The following GAS2 variants were observed in gnomAD, a reference collection of about 807,000 sequenced individuals.
GAS2 encodes the protein growth arrest specific 2.
Under a neutral mutation model 37.5 loss-of-function variants are expected in GAS2, and 20 were observed. That is an observed-to-expected ratio of 0.53 (90% CI 0.37 to 0.77). The LOEUF (loss-of-function observed/expected upper bound fraction) is 0.77, where lower values mean the gene tolerates loss of function less well. Ranked by LOEUF, GAS2 falls within the 30% of genes least tolerant of loss-of-function variation. The pLI is 0.00. For synonymous variants in GAS2, 144 were observed against 132.2 expected (o/e 1.09, Z -0.61); for missense variants, 336 against 373.4 (o/e 0.90, Z 0.82).
intron 7 of GAS2, among the ~76,000 whole-genome samples, chr11:22,789,329 C>A (rs1333112583): frequency 3.2e-5 from 4 of 124,290 alleles, no homozygotes; most frequent in Middle Eastern, 3.9e-3. Context: ...CACACACACA[C>A]ACAAACACAC....
chr11:22,745,508 T>G (rs570881760), intron 5 of GAS2, among the ~76,000 whole-genome samples: 19 of 152,050 alleles, frequency 1.2e-4, no homozygotes, highest in Non-Finnish European at 2.5e-4. Flanking sequence ...CTATAAGAAT[T>G]CTAGAAAAAA....
intron 4 of GAS2, among the ~76,000 whole-genome samples, chr11:22,734,807 A>AGATCTTT (rs1852664893): frequency 6.6e-6 from 1 of 151,758 alleles, no homozygotes; most frequent in African/African-American, 2.4e-5. Context: ...ACTCACACCC[A>AGATCTTT]GATCTTTGTG....
At chr11:22,807,001 T>C (rs1856932037) in intron 7 of GAS2, among the ~76,000 whole-genome samples, 1 of 152,214 alleles carries the variant, frequency 6.6e-6, no homozygotes, top group Admixed American at 6.5e-5. Context: ...ACATGAATCA[T>C]GGATGCTTAC....
chr11:22,735,299 G>A (rs1018065516), intron 4 of GAS2, among the ~76,000 whole-genome samples: 5 of 138,508 alleles, frequency 3.6e-5, no homozygotes, highest in African/African-American at 7.9e-5. Context: ...ATTAACATAT[G>A]AGGTAATATT....
At chr11:22,798,527 A>T (rs1036029018) in intron 7 of GAS2, among the ~76,000 whole-genome samples, 2 of 152,080 alleles carry the variant, frequency 1.3e-5, no homozygotes, top group African/African-American at 4.8e-5. Context: ...AGAAAAGGGT[A>T]TAATAAGCTA....
At chr11:22,772,990 G>A (rs1304567833) in intron 7 of GAS2, among the ~76,000 whole-genome samples, 2 of 152,124 alleles carry the variant, frequency 1.3e-5, no homozygotes, top group Non-Finnish European at 2.9e-5. Flanking sequence ...AGTGGATATA[G>A]CCCTTTCTAG....
At chr11:22,675,902 C>T (rs542555789) in intron 2 of GAS2, among the ~76,000 whole-genome samples, 1 of 152,248 alleles carries the variant, frequency 6.6e-6, no homozygotes, top group South Asian at 2.1e-4. Context: ...GTAAGGTGCA[C>T]CCTGTCCATC....
At chr11:22,761,514 G>A (rs1426061969) in intron 7 of GAS2, among the ~76,000 whole-genome samples, 2 of 152,092 alleles carry the variant, frequency 1.3e-5, no homozygotes, top group African/African-American at 4.8e-5. Context: ...TTACTTAATT[G>A]CAATTTATCA....
chr11:22,697,693 T>G (rs958777103), intron 3 of GAS2, among the ~76,000 whole-genome samples: 11 of 152,292 alleles, frequency 7.2e-5, no homozygotes, highest in Middle Eastern at 3.4e-3. Flanking sequence ...GGTATTTTAT[T>G]CTCTTTGAAG....
At position 22,706,354 on chromosome 11, in the gene GAS2, T is replaced by C. The variant is rs1851117732; in HGVS notation, c.268-19938T>C. On this transcript the variant is annotated intron_variant, in intron 3 of 7. Transcript: ENST00000454584. ...TTTTTTTTTTCTTTTATTATTATACTTTAAGTTTTAGGGTACATGTGCACA... is the reference window on the plus strand; with the variant it reads ...TTTTTTTTTTCTTTTATTATTATACCTTAAGTTTTAGGGTACATGTGCACA... 5.9e-5 allele frequency among the ~76,000 whole-genome samples: 9 copies of C among 152,104 alleles called. No individual in the cohort carries two copies. The South Asian group carries it at 1.9e-3, about 32-fold the overall frequency.
chr11:22,809,694 A>G (rs928474756), intron 7 of GAS2, among the ~76,000 whole-genome samples: 5 of 147,668 alleles, frequency 3.4e-5, no homozygotes, highest in Non-Finnish European at 6.0e-5. Context: ...GGGTTTCACC[A>G]TATTGGTCAG....
intron 3 of GAS2, among the ~76,000 whole-genome samples, chr11:22,697,101 A>T (rs575859253): frequency 6.6e-6 from 1 of 152,314 alleles, no homozygotes; most frequent in Admixed American, 6.5e-5. Flanking sequence ...TCTTTAATCC[A>T]TCTTGAAATA....
At chr11:22,735,244 T>TTTTTC (rs1554976312) in intron 4 of GAS2, among the ~76,000 whole-genome samples, 3 of 148,584 alleles carry the variant, frequency 2.0e-5, no homozygotes, top group African/African-American at 5.0e-5. Context: ...TTTTTTTTTT[T>TTTTTC]GGTCCATTAG....
chr11:22,789,902 C>T (rs1856059214), intron 7 of GAS2, among the ~76,000 whole-genome samples: 1 of 152,166 alleles, frequency 6.6e-6, no homozygotes, highest in Admixed American at 6.5e-5. Flanking sequence ...TTCCTTATAA[C>T]ACATTAGCTA....
chr11:22,737,196 T>C (rs1033999201), intron 4 of GAS2, among the ~76,000 whole-genome samples: 2 of 152,156 alleles, frequency 1.3e-5, no homozygotes, highest in African/African-American at 4.8e-5. Flanking sequence ...CACTTTGACA[T>C]TCATCTTTGG....
intron 1 of GAS2, among the ~76,000 whole-genome samples, chr11:22,647,489 A>C (rs1010443347): frequency 5.9e-5 from 9 of 151,984 alleles, no homozygotes; most frequent in African/African-American, 1.9e-4. Context: ...ATCCCTGAGG[A>C]ATCGCCACAC....
At chr11:22,807,014 C>T (rs1442312217) in intron 7 of GAS2, among the ~76,000 whole-genome samples, 1 of 151,874 alleles carries the variant, frequency 6.6e-6, no homozygotes, top group Non-Finnish European at 1.5e-5. Context: ...ATGCTTACAC[C>T]CTTGTCAAAT....
chr11:22,704,251 C>T (rs773058845), intron 3 of GAS2, among the ~76,000 whole-genome samples: 37 of 151,858 alleles, frequency 2.4e-4, no homozygotes, highest in Non-Finnish European at 4.7e-4. Context: ...GATCATTTCT[C>T]CTCATGCTAT....
intron 7 of GAS2, among the ~76,000 whole-genome samples, chr11:22,798,563 G>A (rs561425314): frequency 1.3e-5 from 2 of 152,168 alleles, no homozygotes; most frequent in Non-Finnish European, 2.9e-5. Flanking sequence ...GTTAAAATGA[G>A]ATAGTAAATA....
Sources: allele counts gnomAD v4.1 joint callset (sites outside exome capture counted in the v4.1 genomes callset), GRCh38; gene constraint gnomAD v4.1.1; transcripts MANE v1.5; gene names NCBI Gene and HGNC (gene_info 2026-07-23, HGNC 2026-07-21).